The following IPCEF1 variants were observed in gnomAD, a reference collection of about 807,000 sequenced individuals.
IPCEF1 encodes interactor protein for cytohesin exchange factors 1.
A neutral mutation model predicts 50.9 loss-of-function variants in IPCEF1; 31 were observed. The observed-to-expected ratio is 0.61, with a 90% CI of 0.46 to 0.82. IPCEF1 has a LOEUF of 0.82. Among genes scored for constraint, IPCEF1 ranks in the 40% least tolerant of loss-of-function variants. The pLI is 0.00. For missense variants in IPCEF1, 458 were observed against 514.0 expected (o/e 0.89, Z 1.05); for synonymous variants, 181 against 192.0 (o/e 0.94, Z 0.47).
intron 1 of IPCEF1, among the ~76,000 whole-genome samples, chr6:154,314,701 C>T (rs1583979683): frequency 6.6e-6 from 1 of 152,098 alleles, no homozygotes; most frequent in Non-Finnish European, 1.5e-5. Context: ...AAAAACCGAA[C>T]ACTCTAAATA....
intron 1 of IPCEF1, among the ~76,000 whole-genome samples, chr6:154,318,712 C>CAAA (rs57436031): frequency 2.3e-4 from 23 of 98,750 alleles, no homozygotes; most frequent in African/African-American, 3.0e-4. Context: ...GACCCTGTCT[C>CAAA]AAAAAAAAAA....
intron 10 of IPCEF1, among the ~76,000 whole-genome samples, chr6:154,180,967 T>C (rs141342029): frequency 1.2e-3 from 181 of 152,230 alleles, no homozygotes; most frequent in Non-Finnish European, 1.8e-3. Context: ...AAGGCACTTG[T>C]CACCAAGAGA....
chr6:154,318,146 C>G (rs1353886160), intron 1 of IPCEF1, among the ~76,000 whole-genome samples: 1 of 152,094 alleles, frequency 6.6e-6, no homozygotes. Context: ...CAAGACTAAC[C>G]TTTGGAGAAA....
At chr6:154,214,381 G>A in intron 7 of IPCEF1, 105 bp from the exon 8 acceptor site, 1 of 821,264 alleles carries the variant, frequency 1.2e-6, no homozygotes, top group South Asian at 1.4e-5. Context: ...TCTACCATCA[G>A]TCTGCACATT....
chr6:154,301,592 G>A (rs1343843653), intron 1 of IPCEF1, among the ~76,000 whole-genome samples: 2 of 152,148 alleles, frequency 1.3e-5, no homozygotes, highest in African/African-American at 2.4e-5. Flanking sequence ...ACAATAAACA[G>A]TATTTATATA....
chr6:154,278,853 T>C (rs556145860), intron 2 of IPCEF1, among the ~76,000 whole-genome samples: 1 of 151,684 alleles, frequency 6.6e-6, no homozygotes, highest in East Asian at 1.9e-4. Context: ...TGGTGGCTTA[T>C]GCCTGTAATC....
intron 11 of IPCEF1, among the ~76,000 whole-genome samples, chr6:154,163,920 G>A (rs1400548499): frequency 6.6e-6 from 1 of 152,164 alleles, no homozygotes; most frequent in Non-Finnish European, 1.5e-5. Context: ...AGAAAAAACA[G>A]TGCAGTAGGA....
At chr6:154,173,062 G>A (rs1269341069) in intron 10 of IPCEF1, among the ~76,000 whole-genome samples, 2 of 152,224 alleles carry the variant, frequency 1.3e-5, no homozygotes, top group Admixed American at 1.3e-4. Context: ...TCCAACAGAC[G>A]TGCAGCTGAG....
At chr6:154,209,282 C>T (rs1023039070) in intron 9 of IPCEF1, among the ~76,000 whole-genome samples, 4 of 152,064 alleles carry the variant, frequency 2.6e-5, no homozygotes, top group South Asian at 4.1e-4. Flanking sequence ...AATATTTTTG[C>T]CCCTAGGCTT....
At chr6:154,347,949 C>A (rs1159788161) in intron 1 of IPCEF1, among the ~76,000 whole-genome samples, 1 of 152,114 alleles carries the variant, frequency 6.6e-6, no homozygotes, top group Non-Finnish European at 1.5e-5. Flanking sequence ...AATTACTACA[C>A]CCCATGTCTA....
At chr6:154,302,727 G>A (rs183664136) in intron 1 of IPCEF1, among the ~76,000 whole-genome samples, 132 of 152,042 alleles carry the variant, frequency 8.7e-4, no homozygotes, top group African/African-American at 3.1e-3. Flanking sequence ...CCCCAGCCTC[G>A]GCCTCCCAAA....
At chr6:154,235,934 T>C (rs1780096654) in intron 5 of IPCEF1, among the ~76,000 whole-genome samples, 2 of 152,198 alleles carry the variant, frequency 1.3e-5, no homozygotes, top group Non-Finnish European at 2.9e-5. Context: ...AATGGAACCC[T>C]TGTGTTCCAG....
chr6:154,297,330 G>A (rs747949529), intron 1 of IPCEF1, among the ~76,000 whole-genome samples: 11 of 152,072 alleles, frequency 7.2e-5, no homozygotes, highest in Non-Finnish European at 1.5e-4. Context: ...GTGAGCCACC[G>A]CGCCCAGCCC....
At chr6:154,186,376 T>C (rs1465100801) in intron 10 of IPCEF1, among the ~76,000 whole-genome samples, 1 of 152,150 alleles carries the variant, frequency 6.6e-6, no homozygotes. Context: ...GCAAATTCCA[T>C]TGTCTCATTT....
Position 154,313,076 on chromosome 6 carries a change from A to AAAAAAC in IPCEF1, c.-61-23321_-61-23320insGTTTTT, listed in dbSNP as rs1783123082. Among the ~76,000 whole-genome samples, 2 of 149,618 alleles carry AAAAAAC rather than the reference A, an allele frequency of 1.3e-5. 1 individual carries two copies. Among genetic ancestry groups the AAAAAAC allele is most frequent in the Non-Finnish European group, 3.0e-5 (2 of 67,496 alleles). On this transcript the variant is annotated intron_variant, in intron 1 of 11. Coordinates refer to ENST00000367220, the MANE Select transcript of IPCEF1 (RefSeq NM_001130700.2). ...CTGTGAGGCCCTGTCTCAAAAAAAA[A>AAAAAAC]AAAAAAAAAACATGGCCGGGCACAG... is the stretch of plus-strand genomic sequence containing the variant.
rs57730934 is a variant in IPCEF1 at position 154,244,157 on chromosome 6, G to A, written c.246+2434C>T. 4.0e-3 allele frequency among the ~76,000 whole-genome samples: 614 copies of A among 152,292 alleles called. 6 individuals carry two copies. Among genetic ancestry groups the A allele is most frequent in the African/African-American group, 0.014 (582 of 41,558 alleles). On this transcript the variant is annotated intron_variant, in intron 5 of 11. Transcript: ENST00000367220. Reference sequence around the variant, plus strand: ...TGGCAGGAAGTAAATAAAGCTTCTTGGCTTGACAGGACATGCTTGGGTCTT... The same window carrying A: ...TGGCAGGAAGTAAATAAAGCTTCTTAGCTTGACAGGACATGCTTGGGTCTT...
chr6:154,232,236 G>A (rs921469955), intron 5 of IPCEF1, among the ~76,000 whole-genome samples: 1 of 152,070 alleles, frequency 6.6e-6, no homozygotes, highest in African/African-American at 2.4e-5. Context: ...TATTAGCATC[G>A]GGCTGTGACA....
chr6:154,210,561 T>G (rs755776711), intron 9 of IPCEF1, among the ~76,000 whole-genome samples: 2 of 152,202 alleles, frequency 1.3e-5, no homozygotes, highest in South Asian at 4.1e-4. Flanking sequence ...AAGGGTAAAC[T>G]AATCAGAAAG....
intron 10 of IPCEF1, among the ~76,000 whole-genome samples, chr6:154,191,548 C>T (rs570151564): frequency 7.9e-5 from 12 of 152,118 alleles, no homozygotes; most frequent in African/African-American, 2.9e-4. Context: ...GTGGCGAGCG[C>T]CTATAGTCCT....
Sources: gnomAD v4.1 joint callset for allele counts (sites outside exome capture counted in the v4.1 genomes callset) on GRCh38, gnomAD v4.1.1 for gene constraint, MANE v1.5 for transcripts, NCBI Gene and HGNC (gene_info 2026-07-23, HGNC 2026-07-21) for gene names.